PCYOX1L: variants seen among roughly 807,000 people sequenced by gnomAD.
PCYOX1L encodes the protein prenylcysteine oxidase 1 like.
A neutral mutation model predicts 44.1 loss-of-function variants in PCYOX1L; 40 were observed. The observed-to-expected ratio is 0.91, with a 90% CI of 0.70 to 1.18. PCYOX1L has a LOEUF of 1.18. Ranked by LOEUF, PCYOX1L falls within the 50% of genes most tolerant of loss-of-function variation. The pLI, the probability that PCYOX1L is intolerant of heterozygous loss-of-function variation, is 0.00. For missense variants in PCYOX1L, 605 were observed against 653.3 expected, an observed-to-expected ratio of 0.93 and a Z score of 0.81; for synonymous variants, 266 against 282.8, an observed-to-expected ratio of 0.94 and a Z score of 0.60.
intron 1 of PCYOX1L, among the ~76,000 whole-genome samples, chr5:149,358,969 G>A (rs1441339221): frequency 6.6e-6 from 1 of 152,148 alleles, no homozygotes; most frequent in Non-Finnish European, 1.5e-5. Flanking sequence ...ACATTTTGAT[G>A]CATCTCCAAA....
rs528080995 is a variant in PCYOX1L at position 149,367,088 on chromosome 5, T to C, written c.683-272T>C. Among the ~76,000 whole-genome samples, 242 of 152,256 alleles carry C rather than the reference T, an allele frequency of 1.6e-3. 1 individual carries two copies. The highest frequency in any genetic ancestry group is 5.7e-3 in the African/African-American group (238 of 41,536). On this transcript the variant is annotated intron_variant, in intron 4 of 5. Coordinates refer to ENST00000274569, the MANE Select transcript of PCYOX1L (RefSeq NM_024028.4). The stretch of plus-strand genomic sequence containing the variant: ...TGGGCAGCTACAGATCTGCTTTCTG[T>C]TTCTGTGGATTTGCCTAGTCTGGGC...
In PCYOX1L at chr5:149,362,716, C is replaced by T. The variant is rs753043889; in HGVS notation, c.168C>T (p.Asp56=). The T allele has an allele frequency of 6.2e-7, 1 of 1,614,156 alleles. No individual in the cohort carries two copies. Among genetic ancestry groups the T allele is most frequent in the South Asian group, 1.1e-5 (1 of 91,090 alleles). Residue 56 remains aspartate, a synonymous_variant, in exon 2 of 6, where the codon GAC becomes GAT. Coordinates refer to ENST00000274569, the MANE Select transcript of PCYOX1L (RefSeq NM_024028.4). ...ACTTTGGACCTCGGGTGCAGATCGACGTGTACGAGAAGGGAACCGTGGGTG... is the reference window on the plus strand; with the variant it reads ...ACTTTGGACCTCGGGTGCAGATCGATGTGTACGAGAAGGGAACCGTGGGTG... ...QQHFGPRVQI[D]VYEKGTVGGR... is the part of the protein sequence containing the mutation.
Position 149,367,599 on chromosome 5 carries a change from TG to T in PCYOX1L, c.823+103del. On this transcript the variant is annotated intron_variant, in intron 5 of 5. Coordinates refer to ENST00000274569, the MANE Select transcript of PCYOX1L (RefSeq NM_024028.4). The stretch of plus-strand genomic sequence containing the variant: ...CCTCAGCCCTGGTCTGTGATCCCCC[TG>T]GGGAGTATTTCCGAAAAAGCATTGA... The T allele has an allele frequency of 2.7e-6, 4 of 1,491,580 alleles. No homozygotes were observed. In the South Asian group the frequency reaches 3.9e-5, roughly 14 times the overall value. The allele number at this position is 1,491,580 out of a possible 1,614,324, so 92.4% of individuals were successfully genotyped here. A position where few individuals can be genotyped will look rare whatever the true frequency, so the allele number is the denominator to read the frequency against.
At chr5:149,359,044 A>G (rs1201431065) in intron 1 of PCYOX1L, among the ~76,000 whole-genome samples, 2 of 152,300 alleles carry the variant, frequency 1.3e-5, no homozygotes, top group East Asian at 3.9e-4. Context: ...CTAGAGTGTC[A>G]TATGTGTTTA....
intron 1 of PCYOX1L, chr5:149,362,062 A>G (rs1265092908): frequency 2.6e-5 from 4 of 155,764 alleles, no homozygotes; most frequent in African/African-American, 7.2e-5. Context: ...TTTTCAGGCC[A>G]TGCAGTCTCT....
At chr5:149,363,212 T>C in intron 2 of PCYOX1L, 1 of 381,934 alleles carries the variant, frequency 2.6e-6, no homozygotes, top group South Asian at 2.0e-5. Context: ...GTGTTATATC[T>C]CCTCTTAAGG....
Position 149,368,284 on chromosome 5 carries a change from A to G in PCYOX1L, c.1115A>G (p.Asp372Gly), listed in dbSNP as rs1758297253. 1 of 1,614,042 alleles carries G rather than the reference A, an allele frequency of 6.2e-7. No individual in the cohort carries two copies. The highest frequency in any genetic ancestry group is 1.3e-5 in the African/African-American group (1 of 74,928). ...TTCCCCAGCTTCTTCTGCACTCTGG[A>G]CAACATCTGCCCTGTCAACATCTCT... ...TDFPSFFCTL[D>G]NICPVNISAS... The change falls in exon 6 of 6, where the codon GAC becomes GGC. Residue 372 changes from aspartate (D) to glycine (G), a missense_variant. Asp to Gly is a moderately conservative substitution (Grantham distance 94). Transcript: ENST00000274569.
At chr5:149,367,622 T>C (rs1444416669) in intron 5 of PCYOX1L, 122 bp downstream of exon 5, 28 of 1,380,972 alleles carry the variant, frequency 2.0e-5, no homozygotes, top group Middle Eastern at 2.5e-4. Flanking sequence ...CGAAAAAGCA[T>C]TGAGAAGCCC....
At chr5:149,362,047 T>C (rs1236862818) in intron 1 of PCYOX1L, 1 of 154,936 alleles carries the variant, frequency 6.5e-6, no homozygotes, top group Non-Finnish European at 1.4e-5. Context: ...GTAAATATTT[T>C]AGGCTTTTCA....
chr5:149,358,092 C>G lies in PCYOX1L; in HGVS notation c.24C>G (p.Leu8=), dbSNP rs1381361157. ...CCATGGCCCGCGCAGCCCCGCTGCT[C>G]GCCGCGTTGACCGCGCTCCTCGCCG... is the stretch of plus-strand genomic sequence containing the variant. MARAAPL[L]AALTALLAAA... is the part of the protein sequence containing the mutation. Residue 8 remains leucine, a synonymous_variant, in exon 1 of 6, where the codon CTC becomes CTG. Transcript: ENST00000274569. 2 of 1,442,454 alleles carry G rather than the reference C, an allele frequency of 1.4e-6. No homozygotes were observed. The highest frequency in any genetic ancestry group is 1.8e-6 in the Non-Finnish European group (2 of 1,100,102). 89.4% of individuals were successfully genotyped at this position (1,442,454 alleles called of 1,614,324 possible).
In PCYOX1L at chr5:149,368,767, A is replaced by G. The variant is rs912944650; in HGVS notation, c.*113A>G. On this transcript the variant is annotated 3_prime_UTR_variant, in exon 6 of 6. Coordinates refer to ENST00000274569, the MANE Select transcript of PCYOX1L (RefSeq NM_024028.4). ...CCACCAGGCTTCTTTCTGACCCCTC[A>G]TGTATCAAGCATCTCCAGGTGACCT... The G allele has an allele frequency of 2.2e-5, 24 of 1,111,786 alleles. No homozygotes were observed. The highest frequency in any genetic ancestry group is 2.8e-5 in the Non-Finnish European group (23 of 825,294). 68.9% of individuals were successfully genotyped at this position (1,111,786 alleles called of 1,614,324 possible).
In PCYOX1L at chr5:149,358,110, C is replaced by T; in HGVS notation, c.42C>T (p.Leu14=). ...AAPLLAALTA[L]LAAAAAGGDA... is the part of the protein sequence containing the mutation. ...CGCTGCTCGCCGCGTTGACCGCGCT[C>T]CTCGCCGCCGCCGCTGCTGGCGGAG... Residue 14 remains leucine, a synonymous_variant, in exon 1 of 6, where the codon CTC becomes CTT. Coordinates refer to ENST00000274569, the MANE Select transcript of PCYOX1L (RefSeq NM_024028.4). 5 of 1,454,238 alleles carry T rather than the reference C, an allele frequency of 3.4e-6. No homozygotes were observed. The highest frequency in any genetic ancestry group is 4.5e-6 in the Non-Finnish European group (5 of 1,106,150). 90.1% of individuals were successfully genotyped at this position (1,454,238 alleles called of 1,614,324 possible). A position where few individuals can be genotyped will look rare whatever the true frequency, so the allele number is the denominator to read the frequency against.
At chr5:149,359,853 A>G (rs1352698380) in intron 1 of PCYOX1L, among the ~76,000 whole-genome samples, 2 of 152,208 alleles carry the variant, frequency 1.3e-5, no homozygotes, top group African/African-American at 2.4e-5. Flanking sequence ...CCACAACAAG[A>G]ATGCGGATTC....
chr5:149,362,765 A>G lies in PCYOX1L; in HGVS notation c.217A>G (p.Asn73Asp), dbSNP rs773176314. ...TGGCCGCTTGGCCACCATCTCAGTC[A>G]ACAAGCAGCACTATGAGAGCGGGGC... Reference protein sequence around the residue: ...VGGRLATISVNKQHYESGAAS... With the variant: ...VGGRLATISVDKQHYESGAAS... Residue 73 changes from asparagine to aspartate, a missense_variant, in exon 2 of 6, where the codon AAC (asparagine) becomes GAC (aspartate). By Grantham distance (23) the Asn-to-Asp change is conservative (BLOSUM62 1). Transcript: ENST00000274569. 8.1e-6 allele frequency: 13 copies of G among 1,614,062 alleles called. No individual in the cohort carries two copies.
At position 149,362,812 on chromosome 5, in the gene PCYOX1L, C is replaced by A; in HGVS notation, c.264C>A (p.Ser88Arg). The change falls in exon 2 of 6, where the codon AGC becomes AGA. Residue 88 changes from serine (S) to arginine (R), a missense_variant. By Grantham distance (110) the Ser-to-Arg change is moderately radical (BLOSUM62 -1). Transcript: ENST00000274569. Reference sequence around the variant, plus strand: ...GGGCTGCCTCCTTCCACTCCCTGAGCCTGCACATGCAGGACTTCGTCAAGC... The same window carrying A: ...GGGCTGCCTCCTTCCACTCCCTGAGACTGCACATGCAGGACTTCGTCAAGC... The part of the protein sequence containing the change: ...ESGAASFHSL[S>R]LHMQDFVKLL... The A allele has an allele frequency of 6.2e-7, 1 of 1,614,108 alleles. No individual in the cohort carries two copies. The highest frequency in any genetic ancestry group is 8.5e-7 in the Non-Finnish European group (1 of 1,180,048).
At chr5:149,366,665 T>A (rs1758219309) in intron 4 of PCYOX1L, among the ~76,000 whole-genome samples, 1 of 152,200 alleles carries the variant, frequency 6.6e-6, no homozygotes, top group African/African-American at 2.4e-5. Context: ...GAACAGTGCC[T>A]AAGTCATACT....
intron 1 of PCYOX1L, 30 bp downstream of exon 1, chr5:149,358,186 C>T (rs899311682): frequency 8.5e-6 from 12 of 1,416,090 alleles, no homozygotes; most frequent in Non-Finnish European, 9.2e-6. Context: ...GGGTTCCCAG[C>T]TGGGGAGGGC....
At chr5:149,367,895 G>GC in intron 5 of PCYOX1L, 98 bp from the exon 6 acceptor site, 1 of 1,305,304 alleles carries the variant, frequency 7.7e-7, no homozygotes, top group East Asian at 2.3e-5. Context: ...TGCACCCTGA[G>GC]CACCAGGGTC....
chr5:149,367,612 C>A (rs556531519), intron 5 of PCYOX1L, 112 bp downstream of exon 5: 3 of 1,439,696 alleles, frequency 2.1e-6, no homozygotes, highest in Non-Finnish European at 2.8e-6. Context: ...GGAGTATTTC[C>A]GAAAAAGCAT....
Sources: allele counts gnomAD v4.1 joint callset (sites outside exome capture counted in the v4.1 genomes callset), GRCh38; gene constraint gnomAD v4.1.1; transcripts MANE v1.5; gene names NCBI Gene and HGNC (gene_info 2026-07-23, HGNC 2026-07-21).